The following SLC18A2 variants were observed in gnomAD, a reference collection of about 807,000 sequenced individuals.
SLC18A2 encodes the protein synaptic vesicular amine transporter.
SLC18A2 carries 33 observed loss-of-function variants against 59.2 expected under a neutral mutation model. That is an observed-to-expected ratio of 0.56 (90% CI 0.42 to 0.75). SLC18A2 has a LOEUF of 0.75. Among genes scored for constraint, SLC18A2 ranks in the 30% least tolerant of loss-of-function variants. SLC18A2 has a pLI of 0.00. For missense variants in SLC18A2, 569 were observed against 668.6 expected, an observed-to-expected ratio of 0.85 and a Z score of 1.64; for synonymous variants, 228 against 253.5, an observed-to-expected ratio of 0.90 and a Z score of 0.95.
chr10:117,253,916 C>T (rs552299245), intron 4 of SLC18A2, 132 bp from the exon 5 acceptor site: 151 of 779,556 alleles, frequency 1.9e-4, no homozygotes, highest in African/African-American at 1.7e-3. Flanking sequence ...TAGCTTTTTA[C>T]GGAACAAAAG....
chr10:117,256,544 C>T (rs1844233344), intron 9 of SLC18A2, among the ~76,000 whole-genome samples: 1 of 152,216 alleles, frequency 6.6e-6, no homozygotes, highest in Non-Finnish European at 1.5e-5. Context: ...GAACTGGGCA[C>T]CAGTAGTTAA....
At chr10:117,247,810 A>T (rs1844123899) in intron 3 of SLC18A2, among the ~76,000 whole-genome samples, 1 of 152,078 alleles carries the variant, frequency 6.6e-6, no homozygotes, top group Non-Finnish European at 1.5e-5. Flanking sequence ...GGGCAGAGCT[A>T]TTCTTTTCCA....
chr10:117,272,502 G>T (rs1466743931), intron 15 of SLC18A2, among the ~76,000 whole-genome samples: 1 of 152,166 alleles, frequency 6.6e-6, no homozygotes, highest in Non-Finnish European at 1.5e-5. Flanking sequence ...TCCGCAGAAG[G>T]ACTGGCAGAA....
At chr10:117,268,871 TTGTG>T (rs997266865) in intron 13 of SLC18A2, among the ~76,000 whole-genome samples, 9 of 151,868 alleles carry the variant, frequency 5.9e-5, no homozygotes, top group African/African-American at 1.9e-4. Context: ...TATGTGTGTG[TTGTG>T]TGTATGAGTG....
intron 10 of SLC18A2, among the ~76,000 whole-genome samples, chr10:117,262,586 G>A (rs753286872): frequency 2.0e-5 from 3 of 151,946 alleles, no homozygotes; most frequent in East Asian, 1.9e-4. Context: ...TTCAGGAGGC[G>A]CCCGCTGTCC....
At chr10:117,254,626 T>C (rs907280951) in intron 6 of SLC18A2, 129 bp downstream of exon 6, 4 of 508,702 alleles carry the variant, frequency 7.9e-6, no homozygotes, top group Admixed American at 3.8e-5. Flanking sequence ...TTTTTTTCCT[T>C]TCCTGCTTTC....
chr10:117,254,043 G>A lies in SLC18A2; in HGVS notation c.524-5G>A, dbSNP rs756369054. The A allele has an allele frequency of 1.2e-6, 2 of 1,613,038 alleles. No homozygotes were observed. The highest frequency in any genetic ancestry group is 2.2e-5 in the South Asian group (2 of 91,074). Reference sequence around the variant, plus strand: ...TGTGCGGTCTTGGACCCCCTCTCTCGGCAGTGTTTGCCTTCTCCAGCAGCT... The same window carrying A: ...TGTGCGGTCTTGGACCCCCTCTCTCAGCAGTGTTTGCCTTCTCCAGCAGCT... On this transcript the variant is annotated splice_polypyrimidine_tract_variant and splice_region_variant and intron_variant, in intron 4 of 15. Coordinates refer to ENST00000644641, the MANE Select transcript of SLC18A2 (RefSeq NM_003054.6).
In SLC18A2 at chr10:117,278,409, G is replaced by A. The variant is rs1199201970; in HGVS notation, c.*1143G>A. 1 of 152,168 alleles carries A rather than the reference G, an allele frequency of 6.6e-6. No individual in the cohort carries two copies. The highest frequency in any genetic ancestry group is 1.9e-4 in the East Asian group (1 of 5,194). The allele number at this position is 152,168 out of a possible 1,614,324, so 9.4% of individuals were successfully genotyped here. A position where few individuals can be genotyped will look rare whatever the true frequency, so the allele number is the denominator to read the frequency against. Reference sequence around the variant, plus strand: ...AAAGAAAAATGGAACATCTAAAAATGTATGTGCTAACTATATCATCCAGTG... The same window carrying A: ...AAAGAAAAATGGAACATCTAAAAATATATGTGCTAACTATATCATCCAGTG... On this transcript the variant is annotated 3_prime_UTR_variant, in exon 16 of 16. Coordinates refer to ENST00000644641, the MANE Select transcript of SLC18A2 (RefSeq NM_003054.6).
At position 117,266,757 on chromosome 10, in the gene SLC18A2, T is replaced by C. The variant is rs562790550; in HGVS notation, c.1016T>C (p.Ile339Thr). ...GGCGTTGCCTTCTTGCCAGCTAGTA[T>C]CTCTTATCTCATTGGAACCAATATT... ...QLGVAFLPAS[I>T]SYLIGTNIFG... The change falls in exon 11 of 16, where the codon ATC (isoleucine) becomes ACC (threonine). Residue 339 changes from isoleucine to threonine, a missense_variant. Ile to Thr is a moderately conservative substitution (Grantham distance 89). Around this residue, in one of 2 missense-constraint regions of SLC18A2, gnomAD observed 192 missense variants for 278.8 expected, o/e 0.69. Transcript: ENST00000644641. 1 of 1,613,962 alleles carries C rather than the reference T, an allele frequency of 6.2e-7. No homozygotes were observed. The highest frequency in any genetic ancestry group is 1.1e-5 in the South Asian group (1 of 91,022).
At chr10:117,253,787 A>G (rs1014986386) in intron 4 of SLC18A2, among the ~76,000 whole-genome samples, 2 of 152,244 alleles carry the variant, frequency 1.3e-5, no homozygotes, top group Non-Finnish European at 2.9e-5. Context: ...CGGAGGTTGC[A>G]GTAAGCCGAG....
At chr10:117,241,929 G>A (rs1844060408) in intron 2 of SLC18A2, 115 bp downstream of exon 2, 1 of 1,112,730 alleles carries the variant, frequency 9.0e-7, no homozygotes, top group Non-Finnish European at 1.2e-6. Flanking sequence ...GAAAGTTGGA[G>A]AACTCGCTTT....
Position 117,255,621 on chromosome 10 carries a change from A to C in SLC18A2, c.859A>C (p.Thr287Pro). Residue 287 changes from threonine to proline, a missense_variant, in exon 9 of 16, where the codon ACG becomes CCG. Transcript: ENST00000644641. The stretch of plus-strand genomic sequence containing the variant: ...GAGTCAGAAGGGGACACCCCTAACC[A>C]CGCTGCTGAAGGACCCGTACATCCT... Reference protein sequence around the residue: ...PESQKGTPLTTLLKDPYILIA... With the variant: ...PESQKGTPLTPLLKDPYILIA... The C allele has an allele frequency of 6.2e-7, 1 of 1,613,930 alleles. No homozygotes were observed. The highest frequency in any genetic ancestry group is 1.1e-5 in the South Asian group (1 of 91,080).
At chr10:117,277,125 CAA>C (rs780240469) in intron 15 of SLC18A2, 35 bp from the exon 16 acceptor site, 44 of 1,156,302 alleles carry the variant, frequency 3.8e-5, no homozygotes, top group Non-Finnish European at 5.3e-5. Flanking sequence ...CTTTATGAAA[CAA>C]GAAGTTAATA....
At chr10:117,248,617 T>G (rs1422882887) in intron 3 of SLC18A2, among the ~76,000 whole-genome samples, 1 of 152,216 alleles carries the variant, frequency 6.6e-6, no homozygotes, top group Non-Finnish European at 1.5e-5. Flanking sequence ...ATTATACTAG[T>G]GATACTTGGT....
intron 15 of SLC18A2, among the ~76,000 whole-genome samples, chr10:117,276,358 T>C (rs1434286477): frequency 6.6e-6 from 1 of 151,808 alleles, no homozygotes; most frequent in Non-Finnish European, 1.5e-5. Context: ...GTGTCTATAG[T>C]CACAGCACTT....
Position 117,269,810 on chromosome 10 carries a change from G to T in SLC18A2, c.1187-261G>T, listed in dbSNP as rs1316397066. Among the ~76,000 whole-genome samples, 1 of 152,222 alleles carries T rather than the reference G, an allele frequency of 6.6e-6. No homozygotes were observed. Among genetic ancestry groups the T allele is most frequent in the Non-Finnish European group, 1.5e-5 (1 of 68,046 alleles). On this transcript the variant is annotated intron_variant, in intron 13 of 15. Coordinates refer to ENST00000644641, the MANE Select transcript of SLC18A2 (RefSeq NM_003054.6). The surrounding 1 kb of genome is among the most constrained non-coding windows in gnomAD (Gnocchi z 5.1). The stretch of plus-strand genomic sequence containing the variant: ...ACAGAAGAGTTGGGCATTTAGCAAA[G>T]AATTGAAGAATGAATGACAATTGAG...
chr10:117,276,630 A>AAGAAAAG (rs1554953528), intron 15 of SLC18A2, among the ~76,000 whole-genome samples: 5 of 22,314 alleles, frequency 2.2e-4, no homozygotes, highest in African/African-American at 5.4e-4. Context: ...AAAAAAAAAA[A>AAGAAAAG]AAAGAAAGAA....
rs769821964 is a variant in SLC18A2, at chr10:117,270,119, T to G, written c.1235T>G (p.Leu412Arg). 3 of 1,614,240 alleles carry G rather than the reference T, an allele frequency of 1.9e-6. No individual in the cohort carries two copies. Among genetic ancestry groups the G allele is most frequent in the Non-Finnish European group, 2.5e-6 (3 of 1,180,022 alleles). The change falls in exon 14 of 16, where the codon CTG (leucine) becomes CGG (arginine). Residue 412 changes from leucine to arginine, a missense_variant. Around this residue, in one of 2 missense-constraint regions of SLC18A2, gnomAD observed 192 missense variants for 278.8 expected, o/e 0.69. Transcript: ENST00000644641. The part of the protein sequence containing the change: ...MMPIMGYLVD[L>R]RHVSVYGSVY... ...CCTATCATGGGCTACCTCGTAGACC[T>G]GCGGCACGTGTCCGTCTATGGGAGT...
intron 9 of SLC18A2, among the ~76,000 whole-genome samples, chr10:117,256,391 T>C (rs1199907365): frequency 6.6e-6 from 1 of 152,124 alleles, no homozygotes; most frequent in East Asian, 1.9e-4. Flanking sequence ...AAGCAGACCC[T>C]TGGGGTCAGG....
Sources: gnomAD v4.1 joint callset for allele counts (sites outside exome capture counted in the v4.1 genomes callset) on GRCh38, gnomAD v4.1.1 for gene constraint, gnomAD v4.1.1 regional missense constraint, Gnocchi (gnomAD v3.1) non-coding constraint, MANE v1.5 for transcripts, NCBI Gene and HGNC (gene_info 2026-07-23, HGNC 2026-07-21) for gene names.